FGF13: variants seen among roughly 807,000 people sequenced by gnomAD.
FGF13 encodes fibroblast growth factor homologous factor 2.
Under a neutral mutation model 19.5 loss-of-function variants are expected in FGF13, and 2 were observed. The observed-to-expected ratio is 0.10, with a 90% CI of 0.04 to 0.32. The LOEUF is 0.32. FGF13 is among the 10% of genes least tolerant of loss of function. The probability of loss-of-function intolerance (pLI) is 1.00; values close to 1 mark genes in which losing one functional copy is unlikely to be tolerated. For synonymous variants in FGF13, 72 were observed against 76.9 expected (o/e 0.94, Z 0.33); for missense variants, 113 against 192.7 (o/e 0.59, Z 2.45).
intron 3 of FGF13, among the ~76,000 whole-genome samples, chrX:138,816,826 ATTC>A (rs1302731204): frequency 9.0e-6 from 1 of 111,610 alleles, no homozygotes; most frequent in East Asian, 2.8e-4. Context: ...CTCAAAGACA[ATTC>A]TTCTTCTTCC....
At chrX:139,007,987 C>T (rs1334744120) in intron 1 of FGF13, among the ~76,000 whole-genome samples, 3 of 112,779 alleles carry the variant, frequency 2.7e-5, no homozygotes, top group Admixed American at 1.9e-4. Context: ...GCCTTTAGGA[C>T]TGCAGGCTGC....
chrX:138,618,516 A>G lies in FGF13; in HGVS notation c.*14334T>C, dbSNP rs1369045701. 9.0e-6 allele frequency: 1 copy of G among 111,724 alleles called. No homozygotes were observed. The highest frequency in any genetic ancestry group is 1.9e-5 in the Non-Finnish European group (1 of 53,235). 9.2% of individuals were successfully genotyped at this position (111,724 alleles called of 1,213,427 possible). On this transcript the variant is annotated 3_prime_UTR_variant, in exon 5 of 5. Coordinates refer to ENST00000315930, the MANE Select transcript of FGF13 (RefSeq NM_004114.5). ...AATTCAACAAAAGGACACATATACT[A>G]CTAACAACTTCACAGACTCCATCAG...
At chrX:139,084,669 C>A (rs1027080284) in intron 1 of FGF13, among the ~76,000 whole-genome samples, 2 of 111,748 alleles carry the variant, frequency 1.8e-5, no homozygotes, top group African/African-American at 3.3e-5. Flanking sequence ...TCCCATAGTC[C>A]CCAGCTTTAT....
At chrX:139,108,145 G>C (rs1477168706) in intron 1 of FGF13, among the ~76,000 whole-genome samples, 1 of 112,101 alleles carries the variant, frequency 8.9e-6, no homozygotes, top group African/African-American at 3.2e-5. Context: ...CAGTTTTGAA[G>C]TCCCTCGTGA....
Position 138,791,121 on chromosome X carries a change from G to A in FGF13, c.217+66391C>T, listed in dbSNP as rs147005377. The stretch of plus-strand genomic sequence containing the variant: ...CCAAAACTTTAAGAAAACCAATACA[G>A]CATAACAACTATGTCCATAGCATTT... On this transcript the variant is annotated intron_variant, in intron 3 of 6. Coordinates refer to the FGF13 transcript ENST00000436198. Among the ~76,000 whole-genome samples, 1,104 of 112,362 alleles carry A rather than the reference G, an allele frequency of 9.8e-3. 14 individuals are homozygous for A. The highest frequency in any genetic ancestry group is 0.033 in the African/African-American group (1,035 of 30,918).
chrX:139,000,044 TA>T (rs1282477727), intron 1 of FGF13, among the ~76,000 whole-genome samples: 1 of 111,827 alleles, frequency 8.9e-6, no homozygotes, highest in Non-Finnish European at 1.9e-5. Flanking sequence ...CACAAATCAA[TA>T]AACATAATCT....
At chrX:138,811,876 C>T (rs1221999243) in intron 3 of FGF13, among the ~76,000 whole-genome samples, 2 of 110,815 alleles carry the variant, frequency 1.8e-5, no homozygotes, top group Non-Finnish European at 3.8e-5. Context: ...TTCCCTCATC[C>T]CCAATCCAAT....
rs201886862 is a variant in FGF13, at chrX:138,862,529, G to GA, written c.-39+2047dup. ...ACATCCTTACCTAATCAGAAAGAGA[G>GA]AAAAAAAAATGGGGTAATTAGAGCA... is the stretch of plus-strand genomic sequence containing the variant. On this transcript the variant is annotated intron_variant, in intron 2 of 2. Transcript: ENST00000421460. Among the ~76,000 whole-genome samples the GA allele has an allele frequency of 1.8e-3, 201 of 109,034 alleles. 1 individual carries two copies. The East Asian group carries it at 0.022, about 12-fold the overall frequency. 94.7% of individuals were successfully genotyped at this position (109,034 alleles called of 115,157 possible).
At chrX:138,766,972 G>A (rs974928371) in intron 3 of FGF13, among the ~76,000 whole-genome samples, 2 of 112,048 alleles carry the variant, frequency 1.8e-5, no homozygotes. Context: ...CGATTAAATG[G>A]TTGTAGGTGA....
intron 3 of FGF13, among the ~76,000 whole-genome samples, chrX:138,791,911 T>TA (rs1313017820): frequency 8.9e-6 from 1 of 112,036 alleles, no homozygotes; most frequent in South Asian, 3.7e-4. Context: ...TAACCATAGT[T>TA]AAAATGTTTG....
intron 1 of FGF13, among the ~76,000 whole-genome samples, chrX:139,168,645 C>T (rs2084105688): frequency 8.9e-6 from 1 of 111,778 alleles, no homozygotes; most frequent in Non-Finnish European, 1.9e-5. Context: ...GAAACTTGGT[C>T]CCCTCCAGGC....
chrX:138,875,208 G>A (rs1259341115), intron 1 of FGF13, among the ~76,000 whole-genome samples: 4 of 103,947 alleles, frequency 3.8e-5, no homozygotes, highest in African/African-American at 7.2e-5. Flanking sequence ...CTCCAGCCTC[G>A]GTGACAGAGC....
At chrX:138,981,706 C>T (rs964410864) in intron 1 of FGF13, among the ~76,000 whole-genome samples, 24 of 110,662 alleles carry the variant, frequency 2.2e-4, no homozygotes, top group African/African-American at 7.9e-4. Context: ...AACTCATTCT[C>T]AATACCCACC....
Position 138,768,738 on chromosome X carries a change from G to GATATATATAT in FGF13, c.218-59820_218-59811dup, listed in dbSNP as rs1207173971. On this transcript the variant is annotated intron_variant, in intron 3 of 6. Transcript: ENST00000436198. ...ATATAAGTATATATTATATATATAT[G>GATATATATAT]ATATATATATATATATAATTTCACA... Among the ~76,000 whole-genome samples, 407 of 94,736 alleles carry GATATATATAT rather than the reference G, an allele frequency of 4.3e-3. 8 individuals carry two copies. The highest frequency in any genetic ancestry group is 0.017 in the African/African-American group (392 of 23,692). 82.3% of individuals were successfully genotyped at this position (94,736 alleles called of 115,157 possible).
chrX:139,082,836 T>C (rs1173899686), intron 1 of FGF13, among the ~76,000 whole-genome samples: 1 of 111,722 alleles, frequency 9.0e-6, no homozygotes, highest in Non-Finnish European at 1.9e-5. Context: ...ATTATGGCAT[T>C]ATGGCAATTA....
chrX:138,668,906 A>G (rs1426464441), intron 3 of FGF13, among the ~76,000 whole-genome samples: 1 of 111,374 alleles, frequency 9.0e-6, no homozygotes, highest in Non-Finnish European at 1.9e-5. Context: ...TTTAGTTGGC[A>G]GTCACTAGCG....
At chrX:138,738,611 G>A (rs1217265208) in intron 1 of FGF13, among the ~76,000 whole-genome samples, 2 of 111,540 alleles carry the variant, frequency 1.8e-5, no homozygotes, top group African/African-American at 6.5e-5. Context: ...TCAGCTATCT[G>A]CGGCATCTGC....
chrX:138,985,596 A>G (rs1285469679), intron 1 of FGF13, among the ~76,000 whole-genome samples: 1 of 112,003 alleles, frequency 8.9e-6, no homozygotes, highest in South Asian at 3.8e-4. Context: ...AAGTGCTTCC[A>G]GGTTTTGCAC....
intron 1 of FGF13, among the ~76,000 whole-genome samples, chrX:139,185,295 T>G (rs1211343185): frequency 8.9e-6 from 1 of 112,312 alleles, no homozygotes; most frequent in Non-Finnish European, 1.9e-5. Flanking sequence ...ATAATAAGTG[T>G]CTCTTTTAAC....
Sources: gnomAD v4.1 joint callset for allele counts (sites outside exome capture counted in the v4.1 genomes callset) on GRCh38, gnomAD v4.1.1 for gene constraint, MANE v1.5 for transcripts, NCBI Gene and HGNC (gene_info 2026-07-23, HGNC 2026-07-21) for gene names.